Variants in SPOCK3 observed in about 807,000 individuals in gnomAD.
The protein encoded by SPOCK3 is SPARC (osteonectin), cwcv and kazal like domains proteoglycan 3.
Under a neutral mutation model 56.6 loss-of-function variants are expected in SPOCK3, and 30 were observed. That is an observed-to-expected ratio of 0.53 (90% CI 0.40 to 0.72). The LOEUF is 0.72. SPOCK3 is among the 30% of genes least tolerant of loss of function. SPOCK3 has a pLI of 0.00. For synonymous variants in SPOCK3, 196 were observed against 183.3 expected, an observed-to-expected ratio of 1.07 and a Z score of -0.56; for missense variants, 527 against 530.0, an observed-to-expected ratio of 0.99 and a Z score of 0.06.
At chr4:166,750,278 A>G (rs949773319) in intron 8 of SPOCK3, among the ~76,000 whole-genome samples, 1 of 152,162 alleles carries the variant, frequency 6.6e-6, no homozygotes, top group Non-Finnish European at 1.5e-5. Flanking sequence ...ACTGATCTAG[A>G]TAAAAGAATA....
intron 2 of SPOCK3, among the ~76,000 whole-genome samples, chr4:167,205,351 AAT>A (rs375602777): frequency 0.019 from 594 of 31,818 alleles, 9 homozygotes; most frequent in Middle Eastern, 0.095. Context: ...TTATATATAT[AAT>A]ATATATATTA....
chr4:167,147,860 G>A (rs1033498495), intron 2 of SPOCK3, among the ~76,000 whole-genome samples: 3 of 152,042 alleles, frequency 2.0e-5, no homozygotes, highest in African/African-American at 7.2e-5. Flanking sequence ...TCTAATGTAG[G>A]TGACGGGTGG....
chr4:166,812,878 C>T (rs1189656346), intron 6 of SPOCK3, among the ~76,000 whole-genome samples: 5 of 151,976 alleles, frequency 3.3e-5, no homozygotes, highest in Non-Finnish European at 7.4e-5. Flanking sequence ...GTTCATTGGT[C>T]ACATGCTATC....
At chr4:166,844,845 C>T (rs1560923391) in intron 6 of SPOCK3, among the ~76,000 whole-genome samples, 1 of 152,178 alleles carries the variant, frequency 6.6e-6, no homozygotes. Context: ...AGTGTATATA[C>T]AATGAGTAAC....
At chr4:166,967,237 C>T (rs1021039446) in intron 4 of SPOCK3, among the ~76,000 whole-genome samples, 18 of 152,214 alleles carry the variant, frequency 1.2e-4, no homozygotes, top group Admixed American at 5.2e-4. Context: ...GTCTGGCACC[C>T]GCCTAATCTG....
chr4:167,203,566 A>G (rs1733726666), intron 2 of SPOCK3, among the ~76,000 whole-genome samples: 1 of 151,766 alleles, frequency 6.6e-6, no homozygotes, highest in African/African-American at 2.4e-5. Flanking sequence ...TAAAAAAAAA[A>G]AAAGACAGAA....
At chr4:166,917,540 A>C (rs576411550) in intron 4 of SPOCK3, among the ~76,000 whole-genome samples, 1 of 152,218 alleles carries the variant, frequency 6.6e-6, no homozygotes, top group East Asian at 1.9e-4. Context: ...TCAGAGAATT[A>C]TTTTTTCAAA....
Position 167,041,501 on chromosome 4 carries a change from C to A in SPOCK3, c.235+20991G>T, listed in dbSNP as rs191309617. 2.4e-3 allele frequency among the ~76,000 whole-genome samples: 369 copies of A among 152,204 alleles called. 1 individual carries two copies. Among genetic ancestry groups the A allele is most frequent in the Non-Finnish European group, 3.5e-3 (241 of 68,006 alleles). ...ATTTGTGTAATCTGTGCAAATCAAA[C>A]CCTAAATTATTCCCAGTTTGTTCTT... On this transcript the variant is annotated intron_variant, in intron 3 of 10. Coordinates refer to ENST00000357545, the MANE Select transcript of SPOCK3 (RefSeq NM_001040159.2).
At chr4:167,128,190 G>A (rs1762439290) in intron 2 of SPOCK3, among the ~76,000 whole-genome samples, 1 of 152,038 alleles carries the variant, frequency 6.6e-6, no homozygotes, top group Non-Finnish European at 1.5e-5. Context: ...GAATACTCAA[G>A]CACATTGAAA....
chr4:166,915,608 A>G (rs1183135809), intron 4 of SPOCK3, among the ~76,000 whole-genome samples: 1 of 152,116 alleles, frequency 6.6e-6, no homozygotes, highest in Non-Finnish European at 1.5e-5. Context: ...TGTTTCTAAG[A>G]GAGAAATGAA....
intron 6 of SPOCK3, among the ~76,000 whole-genome samples, chr4:166,874,300 T>C (rs542307905): frequency 6.6e-6 from 1 of 152,194 alleles, no homozygotes; most frequent in Non-Finnish European, 1.5e-5. Flanking sequence ...GAAGTTCTTG[T>C]GAACAACAAT....
At chr4:167,079,365 T>C (rs1234284677) in intron 2 of SPOCK3, among the ~76,000 whole-genome samples, 1 of 152,012 alleles carries the variant, frequency 6.6e-6, no homozygotes, top group Non-Finnish European at 1.5e-5. Flanking sequence ...TTTATGCTCC[T>C]TGCTGTGTTT....
At chr4:167,233,104 C>A (rs181641244) in intron 2 of SPOCK3, among the ~76,000 whole-genome samples, 1 of 152,162 alleles carries the variant, frequency 6.6e-6, no homozygotes, top group African/African-American at 2.4e-5. Flanking sequence ...ACAGGGCGGC[C>A]TCCTCACTGG....
chr4:166,762,933 T>C (rs1737440692), intron 7 of SPOCK3, among the ~76,000 whole-genome samples: 1 of 152,032 alleles, frequency 6.6e-6, no homozygotes, highest in Non-Finnish European at 1.5e-5. Context: ...CCTTAACATA[T>C]CAGCAATTGA....
chr4:167,153,233 T>G (rs1163966426), intron 2 of SPOCK3, among the ~76,000 whole-genome samples: 1 of 152,126 alleles, frequency 6.6e-6, no homozygotes, highest in African/African-American at 2.4e-5. Flanking sequence ...CTCTTTGCCC[T>G]CCATGAGGCT....
rs142930795 is a variant in SPOCK3 at position 166,780,840 on chromosome 4, G to A, written c.709+11330C>T. Among the ~76,000 whole-genome samples, 691 of 152,244 alleles carry A rather than the reference G, an allele frequency of 4.5e-3. 9 individuals carry two copies. The highest frequency in any genetic ancestry group is 0.015 in the African/African-American group (642 of 41,558). ...AAGTGCCAACCTTCTATCAATGGTGGAGGGGTACAATCAAGAAGGGGGACC... is the reference window on the plus strand; with the variant it reads ...AAGTGCCAACCTTCTATCAATGGTGAAGGGGTACAATCAAGAAGGGGGACC... On this transcript the variant is annotated intron_variant, in intron 7 of 10. Transcript: ENST00000357545.
At chr4:167,142,641 C>T (rs962727394) in intron 2 of SPOCK3, among the ~76,000 whole-genome samples, 5 of 151,620 alleles carry the variant, frequency 3.3e-5, no homozygotes, top group African/African-American at 9.7e-5. Flanking sequence ...CATTGAAAAC[C>T]GAACTAAAGT....
At chr4:166,743,033 G>A (rs974463132) in intron 8 of SPOCK3, among the ~76,000 whole-genome samples, 2 of 152,078 alleles carry the variant, frequency 1.3e-5, no homozygotes, top group Non-Finnish European at 2.9e-5. Flanking sequence ...TGAGTGACTT[G>A]ATTTTGGTGT....
chr4:166,944,229 T>G (rs1051874318), intron 4 of SPOCK3, among the ~76,000 whole-genome samples: 5 of 152,160 alleles, frequency 3.3e-5, no homozygotes, highest in African/African-American at 1.2e-4. Context: ...TCTTTTTTTT[T>G]AACCTCAAAG....
Sources: allele counts gnomAD v4.1 joint callset (sites outside exome capture counted in the v4.1 genomes callset), GRCh38; gene constraint gnomAD v4.1.1; transcripts MANE v1.5; gene names NCBI Gene and HGNC (gene_info 2026-07-23, HGNC 2026-07-21).